SLCO1A2: variants seen among roughly 807,000 people sequenced by gnomAD.
SLCO1A2 encodes OATP-1.
In SLCO1A2, 67 loss-of-function variants were observed where a neutral mutation model predicts 69.0. The ratio of observed to expected loss-of-function variants is 0.97; its 90% CI spans 0.80 to 1.19. The LOEUF is 1.19. SLCO1A2 is among the 50% of genes most tolerant of loss of function. The pLI, the probability that SLCO1A2 is intolerant of heterozygous loss-of-function variation, is 0.00. For synonymous variants in SLCO1A2, 260 were observed against 265.9 expected (o/e 0.98, Z 0.22); for missense variants, 787 against 793.7 (o/e 0.99, Z 0.10).
At chr12:21,374,618 G>A (rs1940052854) in intron 1 of SLCO1A2, 1 of 146,936 alleles carries the variant, frequency 6.8e-6, no homozygotes, top group Non-Finnish European at 1.5e-5. Flanking sequence ...AGAACTGACT[G>A]TAATTTTCTA....
At chr12:21,375,283 T>C (rs985721173) in intron 1 of SLCO1A2, among the ~76,000 whole-genome samples, 2 of 152,244 alleles carry the variant, frequency 1.3e-5, no homozygotes, top group Non-Finnish European at 2.9e-5. Context: ...AATTGCTTTT[T>C]AATATGTTGC....
At chr12:21,352,853 AT>A (rs1355099790) in intron 2 of SLCO1A2, among the ~76,000 whole-genome samples, 1 of 152,242 alleles carries the variant, frequency 6.6e-6, no homozygotes, top group Non-Finnish European at 1.5e-5. Flanking sequence ...GTATGCAAAA[AT>A]ATCTCAGTAA....
chr12:21,358,262 G>A (rs1010570381), intron 2 of SLCO1A2, among the ~76,000 whole-genome samples: 8 of 152,152 alleles, frequency 5.3e-5, no homozygotes, highest in African/African-American at 1.7e-4. Flanking sequence ...AAATCATTAA[G>A]CTTGCTAATT....
intron 14 of SLCO1A2, among the ~76,000 whole-genome samples, chr12:21,271,240 G>A (rs61926247): frequency 0.095 from 14,435 of 151,644 alleles, 933 homozygotes; most frequent in Non-Finnish European, 0.15. Context: ...GAATTTAGTC[G>A]CTTGACTTAG....
At chr12:21,385,101 C>T (rs767437721) in intron 1 of SLCO1A2, among the ~76,000 whole-genome samples, 1 of 152,092 alleles carries the variant, frequency 6.6e-6, no homozygotes, top group Non-Finnish European at 1.5e-5. Flanking sequence ...CCTTCATGGA[C>T]ATAATGCCCT....
intron 4 of SLCO1A2, among the ~76,000 whole-genome samples, chr12:21,312,580 G>T (rs1240147634): frequency 2.6e-5 from 4 of 152,122 alleles, no homozygotes; most frequent in Non-Finnish European, 5.9e-5. Flanking sequence ...ATGATTTCTA[G>T]CTTTTGATTT....
intron 2 of SLCO1A2, among the ~76,000 whole-genome samples, chr12:21,352,328 T>C (rs1010736226): frequency 5.9e-5 from 9 of 152,210 alleles, no homozygotes; most frequent in African/African-American, 2.2e-4. Context: ...TATAGGGCTT[T>C]AGTCTTACAA....
At chr12:21,293,385 T>C (rs959705900) in intron 11 of SLCO1A2, among the ~76,000 whole-genome samples, 1 of 152,114 alleles carries the variant, frequency 6.6e-6, no homozygotes, top group African/African-American at 2.4e-5. Context: ...TTCCAGGTCT[T>C]AATAAGAATC....
At chr12:21,294,719 C>T (rs1947436382) in intron 10 of SLCO1A2, 1 of 152,006 alleles carries the variant, frequency 6.6e-6, no homozygotes, top group African/African-American at 2.4e-5. Context: ...AAATTTATTC[C>T]AATTTTAAAA....
rs556740411 is a variant in SLCO1A2, at chr12:21,402,788, A to C, written c.-312+15094T>G. On this transcript the variant is annotated intron_variant, in intron 1 of 4. Coordinates refer to the SLCO1A2 transcript ENST00000413682. ...TGGGGGAGCATATGTGTATAATTAC[A>C]TAAATCATGTATGTTTTACATGAGC... 4.6e-5 allele frequency among the ~76,000 whole-genome samples: 7 copies of C among 152,250 alleles called. 1 individual carries two copies. The highest frequency in any genetic ancestry group is 1.7e-4 in the African/African-American group (7 of 41,576).
chr12:21,331,962 G>T (rs1952647246), intron 2 of SLCO1A2, among the ~76,000 whole-genome samples: 1 of 152,104 alleles, frequency 6.6e-6, no homozygotes, highest in Non-Finnish European at 1.5e-5. Flanking sequence ...GGATAGCTCA[G>T]GCTGGTACCA....
intron 1 of SLCO1A2, among the ~76,000 whole-genome samples, chr12:21,382,264 G>A (rs1029922542): frequency 2.0e-5 from 3 of 152,086 alleles, no homozygotes; most frequent in Admixed American, 6.6e-5. Flanking sequence ...CACTTACAAG[G>A]GGGAGCTAAG....
At chr12:21,292,414 G>A in intron 11 of SLCO1A2, 78 bp from the exon 12 acceptor site, 1 of 1,092,902 alleles carries the variant, frequency 9.1e-7, no homozygotes, top group Non-Finnish European at 1.3e-6. Context: ...ACAGCCAGTT[G>A]GATCAAGATG....
chr12:21,400,452 T>C (rs1476367934), intron 1 of SLCO1A2, among the ~76,000 whole-genome samples: 1 of 151,498 alleles, frequency 6.6e-6, no homozygotes, highest in Admixed American at 6.6e-5. Context: ...GTTCAACCAT[T>C]GTGGAAGTCA....
intron 12 of SLCO1A2, among the ~76,000 whole-genome samples, chr12:21,290,008 A>AGT (rs142813630): frequency 0.11 from 16,868 of 148,372 alleles, 1,046 homozygotes; most frequent in Non-Finnish European, 0.13. Context: ...TGTTTTTCTC[A>AGT]GTGTGTGTGT....
At chr12:21,321,678 A>G (rs1319448463) in intron 2 of SLCO1A2, among the ~76,000 whole-genome samples, 1 of 152,122 alleles carries the variant, frequency 6.6e-6, no homozygotes, top group African/African-American at 2.4e-5. Context: ...GTGCTTTTGT[A>G]TAATATTCCT....
chr12:21,325,752 C>T (rs1440636712), intron 2 of SLCO1A2, among the ~76,000 whole-genome samples: 1 of 152,116 alleles, frequency 6.6e-6, no homozygotes, highest in Admixed American at 6.5e-5. Context: ...TCTTATAAAA[C>T]GTCCAAATAT....
intron 9 of SLCO1A2, among the ~76,000 whole-genome samples, chr12:21,296,399 C>A (rs944501123): frequency 1.3e-5 from 2 of 152,044 alleles, no homozygotes; most frequent in Non-Finnish European, 2.9e-5. Context: ...CAACACCACA[C>A]CTGGCTAATT....
intron 2 of SLCO1A2, among the ~76,000 whole-genome samples, chr12:21,324,359 A>C (rs1952030296): frequency 6.6e-6 from 1 of 152,206 alleles, no homozygotes; most frequent in Non-Finnish European, 1.5e-5. Flanking sequence ...GTGTGTAAAA[A>C]TAAGTTTTAG....
Sources: gnomAD v4.1 joint callset for allele counts (sites outside exome capture counted in the v4.1 genomes callset) on GRCh38, gnomAD v4.1.1 for gene constraint, MANE v1.5 for transcripts, NCBI Gene and HGNC (gene_info 2026-07-23, HGNC 2026-07-21) for gene names.